FCGR1A: variants seen among roughly 807,000 people sequenced by gnomAD.
FCGR1A encodes the protein Fc gamma receptor Ia, also known as high affinity immunoglobulin gamma Fc receptor I.
Under a neutral mutation model 35.0 loss-of-function variants are expected in FCGR1A, and 13 were observed. The observed-to-expected ratio is 0.37, with a 90% CI of 0.24 to 0.59. The LOEUF (loss-of-function observed/expected upper bound fraction) is 0.59, where lower values mean the gene tolerates loss of function less well. Ranked by LOEUF, FCGR1A falls within the 20% of genes least tolerant of loss-of-function variation. The pLI, the probability that FCGR1A is intolerant of heterozygous loss-of-function variation, is 0.71. For synonymous variants in FCGR1A, 91 were observed against 164.7 expected (o/e 0.55, Z 3.43); for missense variants, 227 against 430.0 (o/e 0.53, Z 4.17).
At chr1:149,799,473 G>A in the FCGR1A span, among the ~76,000 whole-genome samples, 2 of 151,950 alleles carry the variant, frequency 1.3e-5, no homozygotes, top group South Asian at 2.1e-4. Context: ...TTTAGATCCT[G>A]TGAAATATCC....
At chr1:149,798,353 T>C in the FCGR1A span, among the ~76,000 whole-genome samples, 1 of 151,076 alleles carries the variant, frequency 6.6e-6, no homozygotes, top group Non-Finnish European at 1.5e-5. Flanking sequence ...TAAGATGGTA[T>C]AGGCATAATT....
At chr1:149,793,040 G>A (rs587684050), downstream of FCGR1A, 11 of 1,262,214 alleles carry the variant, frequency 8.7e-6, no homozygotes, top group South Asian at 1.3e-4. Flanking sequence ...GCCAGCTCCC[G>A]GGCCCCGGCG....
At chr1:149,799,907 A>C in the FCGR1A span, among the ~76,000 whole-genome samples, 1 of 152,168 alleles carries the variant, frequency 6.6e-6, no homozygotes, top group African/African-American at 2.4e-5. Flanking sequence ...GCAAGCAAGC[A>C]ATCAGTTCTG....
downstream of FCGR1A, among the ~76,000 whole-genome samples, chr1:149,793,362 G>C (rs1487522193): frequency 6.6e-5 from 10 of 152,020 alleles, no homozygotes; most frequent in African/African-American, 2.4e-4. Context: ...GGCTCGGCGG[G>C]ATCAGCAAGC....
chr1:149,791,735 T>C, downstream of FCGR1A: 1 of 599,252 alleles, frequency 1.7e-6, no homozygotes, highest in East Asian at 2.9e-5. Flanking sequence ...TAAAGAATTC[T>C]TGAAAAACTT....
downstream of FCGR1A, chr1:149,792,940 C>G (rs1553752263): frequency 1.6e-6 from 2 of 1,273,440 alleles, no homozygotes; most frequent in African/African-American, 1.6e-5. Context: ...GGTGTGAAAA[C>G]CCGGCGGCAG....
chr1:149,796,521 T>C (rs1453321106), downstream of FCGR1A, among the ~76,000 whole-genome samples: 17 of 152,184 alleles, frequency 1.1e-4, no homozygotes, highest in African/African-American at 3.9e-4. Flanking sequence ...GAAATGAGCA[T>C]TTATATAGGT....
downstream of FCGR1A, among the ~76,000 whole-genome samples, chr1:149,796,371 C>T (rs2091800380): frequency 6.6e-6 from 1 of 152,146 alleles, no homozygotes; most frequent in Non-Finnish European, 1.5e-5. Context: ...AAATTAAATT[C>T]CCCAAATGTG....
chr1:149,797,442 C>T, the FCGR1A span, among the ~76,000 whole-genome samples: 26 of 151,944 alleles, frequency 1.7e-4, no homozygotes, highest in South Asian at 1.2e-3. Flanking sequence ...AGTAAGTTTA[C>T]GGAAGGATTA....
downstream of FCGR1A, among the ~76,000 whole-genome samples, chr1:149,793,518 T>G (rs1170117198): frequency 6.6e-6 from 1 of 152,128 alleles, no homozygotes; most frequent in African/African-American, 2.4e-5. Context: ...AGGGATCTGA[T>G]GCAGCTGGCG....
chr1:149,789,772 G>A (rs1416518902), intron 4 of FCGR1A, among the ~76,000 whole-genome samples: 3 of 152,070 alleles, frequency 2.0e-5, no homozygotes, highest in Admixed American at 6.5e-5. Flanking sequence ...TTCACCCCCC[G>A]GCTGTGGAAA....
intron 3 of FCGR1A, among the ~76,000 whole-genome samples, chr1:149,784,815 C>A (rs2091497990): frequency 6.6e-6 from 1 of 151,462 alleles, no homozygotes; most frequent in South Asian, 2.1e-4. Flanking sequence ...CCTTAAAGTT[C>A]TGTTTATATT....
chr1:149,797,576 A>G, the FCGR1A span, among the ~76,000 whole-genome samples: 1 of 152,110 alleles, frequency 6.6e-6, no homozygotes, highest in Non-Finnish European at 1.5e-5. Flanking sequence ...TCTACTTTCC[A>G]CAGGTTTTTG....
rs782130001 is a variant in FCGR1A at position 149,791,482 on chromosome 1, G to A, written c.1090G>A (p.Gly364Arg). 2.5e-6 allele frequency: 4 copies of A among 1,609,420 alleles called. No individual in the cohort carries two copies. Among genetic ancestry groups the A allele is most frequent in the Non-Finnish European group, 8.5e-7 (1 of 1,179,238 alleles). ...ACAAAAAGAAGAACAGCTGCAGGAA[G>A]GGGTGCACCGGAAGGAGCCCCAGGG... ...QEQKEEQLQE[G>R]VHRKEPQGAT The change falls in exon 6 of 6, where the codon GGG becomes AGG. Residue 364 changes from glycine to arginine, a missense_variant. Around this residue, in one of 3 missense-constraint regions of FCGR1A, gnomAD observed 39 missense variants for 101.3 expected, o/e 0.38. Coordinates refer to ENST00000369168, the MANE Select transcript of FCGR1A (RefSeq NM_000566.4).
intron 5 of FCGR1A, among the ~76,000 whole-genome samples, chr1:149,790,662 C>A (rs1740521): frequency 6.7e-5 from 10 of 149,418 alleles, no homozygotes; most frequent in African/African-American, 2.2e-4. Flanking sequence ...CATGACCCCC[C>A]CTTCTCTCTC....
chr1:149,793,043 C>A (rs587615524), downstream of FCGR1A: 27 of 1,261,644 alleles, frequency 2.1e-5, 1 homozygote, highest in African/African-American at 2.7e-4. Flanking sequence ...AGCTCCCGGG[C>A]CCCGGCGCGG....
Position 149,790,144 on chromosome 1 carries a change from T to C in FCGR1A, c.650T>C (p.Leu217Pro). 6.2e-7 allele frequency: 1 copy of C among 1,613,980 alleles called. No homozygotes were observed. Among genetic ancestry groups the C allele is most frequent in the Non-Finnish European group, 8.5e-7 (1 of 1,179,870 alleles). ...LVTLSCETKL[L>P]LQRPGLQLYF... ...ACCCTGAGCTGTGAAACAAAGTTGC[T>C]CTTGCAGAGGCCTGGTTTGCAGCTT... The change falls in exon 5 of 6, where the codon CTC becomes CCC. Residue 217 changes from leucine to proline, a missense_variant. Coordinates refer to ENST00000369168, the MANE Select transcript of FCGR1A (RefSeq NM_000566.4).
chr1:149,792,913 T>C (rs2101430272), downstream of FCGR1A: 1 of 1,267,744 alleles, frequency 7.9e-7, no homozygotes, highest in East Asian at 5.8e-5. Flanking sequence ...AACGTCATTG[T>C]TTCCTCGGGG....
the FCGR1A span, among the ~76,000 whole-genome samples, chr1:149,799,333 T>C: frequency 6.6e-6 from 1 of 152,212 alleles, no homozygotes; most frequent in Admixed American, 6.5e-5. Context: ...TCATAAGCAT[T>C]TTCCCTGAAT....
Sources: gnomAD v4.1 joint callset for allele counts (sites outside exome capture counted in the v4.1 genomes callset) on GRCh38, gnomAD v4.1.1 for gene constraint, gnomAD v4.1.1 regional missense constraint, MANE v1.5 for transcripts, NCBI Gene and HGNC (gene_info 2026-07-23, HGNC 2026-07-21) for gene names.